Variants in C2orf42 observed in about 807,000 individuals in gnomAD.
The protein encoded by C2orf42 is chromosome 2 open reading frame 42, also known as uncharacterized protein C2orf42.
Under a neutral mutation model 58.9 loss-of-function variants are expected in C2orf42, and 44 were observed. The ratio of observed to expected loss-of-function variants is 0.75; its 90% confidence interval spans 0.59 to 0.96. The LOEUF is 0.96. C2orf42 is among the 40% of genes least tolerant of loss of function. The pLI is 0.00. For synonymous variants in C2orf42, 239 were observed against 265.4 expected (o/e 0.90, Z 0.97); for missense variants, 630 against 699.2 (o/e 0.90, Z 1.12).
At chr2:70,170,038 C>T (rs1041743765) in intron 5 of C2orf42, among the ~76,000 whole-genome samples, 3 of 151,972 alleles carry the variant, frequency 2.0e-5, no homozygotes, top group Admixed American at 6.6e-5. Flanking sequence ...GGATTACAGG[C>T]GTGAGCCACC....
intron 6 of C2orf42, among the ~76,000 whole-genome samples, chr2:70,167,468 T>C (rs59724699): frequency 0.2 from 29,811 of 151,326 alleles, 4,102 homozygotes; most frequent in African/African-American, 0.39. Flanking sequence ...AGACCAGGTG[T>C]GGTGGCTCAC....
At chr2:70,187,361 C>T (rs1420856763) in intron 1 of C2orf42, among the ~76,000 whole-genome samples, 4 of 152,108 alleles carry the variant, frequency 2.6e-5, no homozygotes, top group Non-Finnish European at 5.9e-5. Flanking sequence ...AGTGATTCTC[C>T]TGCCTCAGCC....
intron 9 of C2orf42, among the ~76,000 whole-genome samples, chr2:70,154,414 T>TAAAAAAAAAAAAA (rs36028499): frequency 3.9e-5 from 1 of 25,566 alleles, no homozygotes; most frequent in African/African-American, 1.5e-4. Context: ...AAATTTTTAC[T>TAAAAAAAAAAAAA]AAAAAAAAAA....
chr2:70,170,790 C>T (rs561305236), intron 5 of C2orf42, among the ~76,000 whole-genome samples: 2 of 150,592 alleles, frequency 1.3e-5, no homozygotes, highest in African/African-American at 2.4e-5. Flanking sequence ...AGAAGCAACA[C>T]TAAACTGCAT....
At chr2:70,162,769 T>C (rs746511545) in intron 8 of C2orf42, among the ~76,000 whole-genome samples, 23 of 152,182 alleles carry the variant, frequency 1.5e-4, no homozygotes, top group Non-Finnish European at 2.8e-4. Context: ...CTGGCTCACA[T>C]GTAAATTCTG....
At chr2:70,162,818 G>A (rs1162651996) in intron 8 of C2orf42, among the ~76,000 whole-genome samples, 2 of 151,826 alleles carry the variant, frequency 1.3e-5, no homozygotes, top group African/African-American at 4.8e-5. Context: ...CTGAACAGAA[G>A]AATGCCTTGC....
intron 4 of C2orf42, among the ~76,000 whole-genome samples, chr2:70,176,498 T>C (rs1674203705): frequency 1.3e-5 from 2 of 149,748 alleles, no homozygotes; most frequent in Admixed American, 1.4e-4. Context: ...AGCGAGACTG[T>C]CTCAAAAAAA....
chr2:70,169,694 T>C (rs1673665503), intron 5 of C2orf42, 33 bp from the exon 6 acceptor site: 1 of 933,034 alleles, frequency 1.1e-6, no homozygotes, highest in Non-Finnish European at 1.7e-6. Flanking sequence ...TACACACTTC[T>C]TTAGTAACTT....
intron 3 of C2orf42, among the ~76,000 whole-genome samples, chr2:70,180,464 C>G (rs1407080434): frequency 1.3e-5 from 2 of 151,632 alleles, no homozygotes; most frequent in Non-Finnish European, 2.9e-5. Context: ...AAAAATTGGT[C>G]AGGCATGGTG....
At chr2:70,177,504 T>G (rs760437466) in intron 4 of C2orf42, among the ~76,000 whole-genome samples, 1 of 152,252 alleles carries the variant, frequency 6.6e-6, no homozygotes, top group Admixed American at 6.5e-5. Context: ...GAATTGCCTC[T>G]CTAAAATACA....
intron 1 of C2orf42, among the ~76,000 whole-genome samples, chr2:70,188,454 T>C (rs2103684322): frequency 6.6e-6 from 1 of 152,308 alleles, no homozygotes; most frequent in Non-Finnish European, 1.5e-5. Context: ...CCTCCCAAAG[T>C]ACTGGGATTA....
At chr2:70,158,137 T>A (rs1213490564) in intron 9 of C2orf42, among the ~76,000 whole-genome samples, 2 of 149,124 alleles carry the variant, frequency 1.3e-5, no homozygotes, top group Non-Finnish European at 3.0e-5. Flanking sequence ...AGATGGAGGG[T>A]GTAGTGAGCC....
Position 70,181,979 on chromosome 2 carries a change from G to A in C2orf42, c.7C>T (p.Pro3Ser). ...GGGACTTTAGTCCTCAGAGAATTTG[G>A]TTCCATTTTTCAGAGGCCCTACAAA... ME[P>S]NSLRTKVPAF... Residue 3 changes from proline (P) to serine (S), a missense_variant, in exon 3 of 10, where the codon CCA (proline) becomes TCA (serine). Pro to Ser is a moderately conservative substitution (Grantham distance 74, BLOSUM62 -1). Coordinates refer to ENST00000264434, the MANE Select transcript of C2orf42 (RefSeq NM_017880.3). 3 of 1,601,694 alleles carry A rather than the reference G, an allele frequency of 1.9e-6. No individual in the cohort carries two copies. Among genetic ancestry groups the A allele is most frequent in the Non-Finnish European group, 2.6e-6 (3 of 1,170,858 alleles).
chr2:70,166,503 TAA>T (rs758706026), intron 6 of C2orf42, among the ~76,000 whole-genome samples: 2,836 of 93,068 alleles, frequency 0.03, 222 homozygotes, highest in Admixed American at 0.2. Flanking sequence ...CCATCTCTAC[TAA>T]AAAAAAAAAA....
Position 70,154,069 on chromosome 2 carries a change from AAAC to A in C2orf42, c.1517-3508_1517-3506del, listed in dbSNP as rs1298967715. Among the ~76,000 whole-genome samples the A allele has an allele frequency of 1.0e-4, 11 of 107,286 alleles. No individual in the cohort carries two copies. In the East Asian group the frequency reaches 1.1e-3, roughly 11 times the overall value. 70.4% of individuals were successfully genotyped at this position (107,286 alleles called of 152,430 possible). On this transcript the variant is annotated intron_variant, in intron 9 of 9. Coordinates refer to ENST00000264434, the MANE Select transcript of C2orf42 (RefSeq NM_017880.3). ...CTCTGTCTCAAAAAAACAAACAAAC[AAAC>A]AAAAAAAAAAACACAGAAATTTCAG...
intron 8 of C2orf42, among the ~76,000 whole-genome samples, chr2:70,163,315 G>A (rs1673181381): frequency 6.6e-6 from 1 of 151,452 alleles, no homozygotes. Flanking sequence ...TGCGATCTCG[G>A]CTCACTGCAA....
intron 5 of C2orf42, among the ~76,000 whole-genome samples, chr2:70,170,540 G>A (rs540416508): frequency 6.6e-6 from 1 of 152,060 alleles, no homozygotes; most frequent in African/African-American, 2.4e-5. Context: ...AGCCACCTGA[G>A]GTCAGGAATT....
At chr2:70,157,367 T>C (rs1027463905) in intron 9 of C2orf42, among the ~76,000 whole-genome samples, 1 of 151,966 alleles carries the variant, frequency 6.6e-6, no homozygotes, top group African/African-American at 2.4e-5. Flanking sequence ...GGCAAGAGAA[T>C]GGCGTGAACC....
intron 8 of C2orf42, among the ~76,000 whole-genome samples, chr2:70,161,686 C>T (rs1673058256): frequency 1.3e-5 from 2 of 151,856 alleles, no homozygotes; most frequent in South Asian, 4.2e-4. Flanking sequence ...ACTAAAAATA[C>T]AAAATTAGCC....
Sources: allele counts gnomAD v4.1 joint callset (sites outside exome capture counted in the v4.1 genomes callset), GRCh38; gene constraint gnomAD v4.1.1; transcripts MANE v1.5; gene names NCBI Gene and HGNC (gene_info 2026-07-23, HGNC 2026-07-21).